Variants in ALG1 observed in about 807,000 individuals in gnomAD.
The protein encoded by ALG1 is chitobiosyldiphosphodolichol beta-mannosyltransferase.
A neutral mutation model predicts 55.1 loss-of-function variants in ALG1; 58 were observed. The ratio of observed to expected loss-of-function variants is 1.05; its 90% CI spans 0.85 to 1.31. The LOEUF is 1.31. Among genes scored for constraint, ALG1 ranks in the 50% most tolerant of loss-of-function variants. The probability of loss-of-function intolerance (pLI) is 0.00; values close to 1 mark genes in which losing one functional copy is unlikely to be tolerated. For missense variants in ALG1, 761 were observed against 598.6 expected (o/e 1.27, Z -2.83); for synonymous variants, 309 against 247.0 (o/e 1.25, Z -2.35).
At chr16:5,080,455 C>T (rs1390151836) in intron 9 of ALG1, among the ~76,000 whole-genome samples, 2 of 152,214 alleles carry the variant, frequency 1.3e-5, no homozygotes, top group African/African-American at 2.4e-5. Flanking sequence ...TTCAAGGTGA[C>T]TCAGTGAGGA....
rs1170058399 is a variant in ALG1 at position 5,085,496 on chromosome 16, T to TAA, written c.*615_*616insAA. On this transcript the variant is annotated 3_prime_UTR_variant, in exon 13 of 13. Coordinates refer to ENST00000262374, the MANE Select transcript of ALG1 (RefSeq NM_019109.5). ...AGCCGATGTCTTATTAGAGGGCAGTTTGTGGTTCCTGATTTGGAAATTAAC... is the reference window on the plus strand; with the variant it reads ...AGCCGATGTCTTATTAGAGGGCAGTTAATGTGGTTCCTGATTTGGAAATTAAC... The TAA allele has an allele frequency of 1.3e-6, 1 of 757,238 alleles. No homozygotes were observed. Among genetic ancestry groups the TAA allele is most frequent in the African/African-American group, 1.7e-5 (1 of 58,530 alleles). The allele number at this position is 757,238 out of a possible 1,614,324, so 46.9% of individuals were successfully genotyped here. A position where few individuals can be genotyped will look rare whatever the true frequency, so the allele number is the denominator to read the frequency against.
At position 5,085,077 on chromosome 16, in the gene ALG1, G is replaced by A; in HGVS notation, c.*196G>A. On this transcript the variant is annotated 3_prime_UTR_variant, in exon 13 of 13. Transcript: ENST00000262374. ...GTTGGCCTTGATTTCTTCTCTGGAGGCTTGGAAACGCTTCCTCTCTTCTTC... is the reference window on the plus strand; with the variant it reads ...GTTGGCCTTGATTTCTTCTCTGGAGACTTGGAAACGCTTCCTCTCTTCTTC... The A allele has an allele frequency of 2.2e-6, 2 of 928,048 alleles. No individual in the cohort carries two copies. Among genetic ancestry groups the A allele is most frequent in the Non-Finnish European group, 1.6e-6 (1 of 621,228 alleles). The allele number at this position is 928,048 out of a possible 1,614,324, so 57.5% of individuals were successfully genotyped here. A position where few individuals can be genotyped will look rare whatever the true frequency, so the allele number is the denominator to read the frequency against.
At chr16:5,072,304 G>A in intron 1 of ALG1, 2 of 1,418,168 alleles carry the variant, frequency 1.4e-6, no homozygotes, top group Non-Finnish European at 1.8e-6. Flanking sequence ...AATTCTCCTA[G>A]TAAGTGGAAC....
chr16:5,083,867 G>C, intron 12 of ALG1, 110 bp downstream of exon 12: 2 of 1,532,594 alleles, frequency 1.3e-6, no homozygotes, highest in Non-Finnish European at 1.8e-6. Flanking sequence ...TGTGGGGTCT[G>C]GCGGAAAAGC....
chr16:5,079,803 A>T lies in ALG1; in HGVS notation c.957A>T (p.Ile319=), dbSNP rs1956984383. The T allele has an allele frequency of 1.2e-6, 2 of 1,611,874 alleles. No individual in the cohort carries two copies. Among genetic ancestry groups the T allele is most frequent in the Non-Finnish European group, 1.7e-6 (2 of 1,179,764 alleles). Residue 319 remains isoleucine, a synonymous_variant, in exon 9 of 13, where the codon ATA becomes ATT. Coordinates refer to ENST00000262374, the MANE Select transcript of ALG1 (RefSeq NM_019109.5). ...ACCTTCCTTCTCTCGTCTGTGTGAT[A>T]ACAGGTACTGCCTGGGACCCTGGGT... ...GHNLPSLVCV[I]TGKGPLREYY...
chr16:5,077,493 C>T lies in ALG1; in HGVS notation c.588C>T (p.Thr196=). 1 of 1,614,162 alleles carries T rather than the reference C, an allele frequency of 6.2e-7. No individual in the cohort carries two copies. Among genetic ancestry groups the T allele is most frequent in the Non-Finnish European group, 8.5e-7 (1 of 1,180,034 alleles). The change falls in exon 5 of 13, where the codon ACC becomes ACT. Residue 196 remains threonine (T), a synonymous_variant. Coordinates refer to ENST00000262374, the MANE Select transcript of ALG1 (RefSeq NM_019109.5). ...TGTCCCACCTGAACCTGTGTGTTAC[C>T]AATGCTATGCGAGAAGACCTGGCGG... ...GRLSHLNLCV[T]NAMREDLADN...
At chr16:5,082,748 G>A (rs1334185559) in intron 11 of ALG1, 75 bp downstream of exon 11, 10 of 1,565,120 alleles carry the variant, frequency 6.4e-6, no homozygotes, top group African/African-American at 1.3e-5. Flanking sequence ...TGCAGAGGGA[G>A]CTGCCCACAG....
intron 12 of ALG1, 119 bp from the exon 13 acceptor site, chr16:5,084,631 G>C: frequency 1.4e-6 from 2 of 1,473,656 alleles, no homozygotes; most frequent in Non-Finnish European, 1.9e-6. Context: ...TCCAAGTGAG[G>C]GAGTTAGGGA....
chr16:5,084,124 C>T (rs1383538709), intron 12 of ALG1, among the ~76,000 whole-genome samples: 1 of 152,180 alleles, frequency 6.6e-6, no homozygotes, highest in Non-Finnish European at 1.5e-5. Flanking sequence ...GCAAAGGTTA[C>T]TTGTTTCTTA....
chr16:5,074,967 A>G (rs555640237), intron 3 of ALG1, among the ~76,000 whole-genome samples: 1 of 152,168 alleles, frequency 6.6e-6, no homozygotes, highest in African/African-American at 2.4e-5. Context: ...CAGTGGCACA[A>G]TCATAGCTTA....
At position 5,085,095 on chromosome 16, in the gene ALG1, T is replaced by G; in HGVS notation, c.*214T>G. The G allele has an allele frequency of 1.2e-6, 1 of 828,036 alleles. No individual in the cohort carries two copies. Among genetic ancestry groups the G allele is most frequent in the Non-Finnish European group, 1.9e-6 (1 of 535,152 alleles). The allele number at this position is 828,036 out of a possible 1,614,324, so 51.3% of individuals were successfully genotyped here. ...TCTGGAGGCTTGGAAACGCTTCCTCTCTTCTTCTGTTCTTCACGCCCCATG... is the reference window on the plus strand; with the variant it reads ...TCTGGAGGCTTGGAAACGCTTCCTCGCTTCTTCTGTTCTTCACGCCCCATG... On this transcript the variant is annotated 3_prime_UTR_variant, in exon 13 of 13. Coordinates refer to ENST00000262374, the MANE Select transcript of ALG1 (RefSeq NM_019109.5).
At position 5,071,892 on chromosome 16, in the gene ALG1, C is replaced by T; in HGVS notation, c.43C>T (p.Leu15=). Reference sequence around the variant, plus strand: ...GGTCCTGCTGGCGCTGTGTCTGCTGCTGCCGCTGCTGCTGCTGGGAGGATG... The same window carrying T: ...GGTCCTGCTGGCGCTGTGTCTGCTGTTGCCGCTGCTGCTGCTGGGAGGATG... The part of the protein sequence containing the change: ...CLVLLALCLL[L]PLLLLGGWKR... Residue 15 remains leucine, a synonymous_variant, in exon 1 of 13, where the codon CTG becomes TTG. Transcript: ENST00000262374. 1.2e-6 allele frequency: 2 copies of T among 1,600,696 alleles called. No homozygotes were observed. Among genetic ancestry groups the T allele is most frequent in the Middle Eastern group, 1.7e-4 (1 of 5,880 alleles).
At chr16:5,076,430 A>C (rs142781415) in intron 4 of ALG1, among the ~76,000 whole-genome samples, 5 of 152,304 alleles carry the variant, frequency 3.3e-5, no homozygotes, top group Middle Eastern at 3.4e-3. Flanking sequence ...TTCAATCTCT[A>C]TGCACCTCAG....
In ALG1 at chr16:5,085,196, G is replaced by T. The variant is rs1957112022; in HGVS notation, c.*315G>T. The T allele has an allele frequency of 1.4e-5, 8 of 568,380 alleles. No individual in the cohort carries two copies. The highest frequency in any genetic ancestry group is 2.2e-5 in the Non-Finnish European group (7 of 320,340). The allele number at this position is 568,380 out of a possible 1,614,324, so 35.2% of individuals were successfully genotyped here. A position where few individuals can be genotyped will look rare whatever the true frequency, so the allele number is the denominator to read the frequency against. ...CTCCTCATCCTGCGTTTGGTCTCCA[G>T]GTGTCCCCTTTCTGCCGTGTTCCTA... is the stretch of plus-strand genomic sequence containing the variant. On this transcript the variant is annotated 3_prime_UTR_variant, in exon 13 of 13. Coordinates refer to ENST00000262374, the MANE Select transcript of ALG1 (RefSeq NM_019109.5).
chr16:5,075,331 G>C, intron 3 of ALG1, 57 bp from the exon 4 acceptor site: 5 of 1,573,278 alleles, frequency 3.2e-6, no homozygotes, highest in Non-Finnish European at 4.4e-6. Context: ...ATTTTTACTG[G>C]GTTTATTGCC....
chr16:5,083,001 C>T (rs1325581116), intron 11 of ALG1, among the ~76,000 whole-genome samples: 1 of 152,334 alleles, frequency 6.6e-6, no homozygotes, highest in South Asian at 2.1e-4. Flanking sequence ...GGCTTTTGCT[C>T]CTAGGGTAGA....
At position 5,072,023 on chromosome 16, in the gene ALG1, G is replaced by T. The variant is rs765484005; in HGVS notation, c.174G>T (p.Met58Ile). The change falls in exon 1 of 13, where the codon ATG becomes ATT. Residue 58 changes from methionine to isoleucine, a missense_variant. Transcript: ENST00000262374. ...RMQYHALSLA[M>I]HGFSVTLLGF... ...AGTACCACGCGCTGTCGTTGGCCAT[G>T]CACGGCTTCTCGGTGACCCTCCTGG... 1 of 1,596,348 alleles carries T rather than the reference G, an allele frequency of 6.3e-7. No homozygotes were observed. The highest frequency in any genetic ancestry group is 1.3e-5 in the African/African-American group (1 of 74,632).
chr16:5,075,812 A>C (rs1478017948), intron 4 of ALG1, among the ~76,000 whole-genome samples: 1 of 151,876 alleles, frequency 6.6e-6, no homozygotes, highest in Non-Finnish European at 1.5e-5. Context: ...CTGTCTCCAC[A>C]CTCCCTTCTG....
chr16:5,077,461 G>A lies in ALG1; in HGVS notation c.556G>A (p.Gly186Arg). 1.2e-6 allele frequency: 2 copies of A among 1,614,032 alleles called. No homozygotes were observed. The highest frequency in any genetic ancestry group is 1.7e-6 in the Non-Finnish European group (2 of 1,180,008). Residue 186 changes from glycine to arginine, a missense_variant, in exon 5 of 13, where the codon GGG (glycine) becomes AGG (arginine). Physicochemically the swap from Gly to Arg is moderately radical, Grantham distance 125. Coordinates refer to ENST00000262374, the MANE Select transcript of ALG1 (RefSeq NM_019109.5). ...LLAKWYEKFF[G>R]RLSHLNLCVT... ...TCTTTTCAGGTACGAGAAGTTCTTT[G>A]GGCGCCTGTCCCACCTGAACCTGTG... is the stretch of plus-strand genomic sequence containing the variant.
Sources: allele counts gnomAD v4.1 joint callset (sites outside exome capture counted in the v4.1 genomes callset), GRCh38; gene constraint gnomAD v4.1.1; transcripts MANE v1.5; gene names NCBI Gene and HGNC (gene_info 2026-07-23, HGNC 2026-07-21).